Variants in LPIN2 observed in about 807,000 individuals in gnomAD.
LPIN2 encodes phosphatidate phosphatase LPIN2.
In LPIN2, 55 loss-of-function variants were observed where a neutral mutation model predicts 111.4. That is an observed-to-expected ratio of 0.49 (90% CI 0.40 to 0.62). LPIN2 has a LOEUF of 0.62. LPIN2 is among the 20% of genes least tolerant of loss of function. The pLI, the probability that LPIN2 is intolerant of heterozygous loss-of-function variation, is 0.00. For missense variants in LPIN2, 992 were observed against 1,112.1 expected, an observed-to-expected ratio of 0.89 and a Z score of 1.54; for synonymous variants, 425 against 414.0, an observed-to-expected ratio of 1.03 and a Z score of -0.32.
In LPIN2 at chr18:2,931,284, G is replaced by T. The variant is rs2077209708; in HGVS notation, c.1428C>A (p.Gly476=). The T allele has an allele frequency of 1.2e-6, 2 of 1,614,130 alleles. No individual in the cohort carries two copies. The highest frequency in any genetic ancestry group is 1.7e-6 in the Non-Finnish European group (2 of 1,180,034). ...TTGAAATTTCTCCATTTTCACTGAGGCCCCCGCAAAGGGAGAGGGTAACGT... is the reference window on the plus strand; with the variant it reads ...TTGAAATTTCTCCATTTTCACTGAGTCCCCCGCAAAGGGAGAGGGTAACGT... ...LPDVTLSLCG[G]LSENGEISKE... Residue 476 remains glycine, a synonymous_variant, in exon 9 of 20, where the codon GGC becomes GGA. Transcript: ENST00000677752.
intron 1 of LPIN2, among the ~76,000 whole-genome samples, chr18:2,989,691 C>T (rs954325023): frequency 2.0e-5 from 3 of 152,074 alleles, no homozygotes; most frequent in Admixed American, 6.6e-5. Context: ...GAGGCCAATG[C>T]GGGCAGAACA....
chr18:2,984,198 AT>A, intron 1 of LPIN2, among the ~76,000 whole-genome samples: 1 of 152,294 alleles, frequency 6.6e-6, no homozygotes, highest in African/African-American at 2.4e-5. Context: ...TTAAAAACCA[AT>A]TTCACCAAAA....
intron 1 of LPIN2, among the ~76,000 whole-genome samples, chr18:2,979,363 C>T (rs1187567030): frequency 6.6e-6 from 1 of 152,188 alleles, no homozygotes; most frequent in East Asian, 1.9e-4. Flanking sequence ...TCCAGGCAAA[C>T]TCAACATGGT....
At chr18:3,000,115 AAGAAGG>A (rs1270172734) in intron 1 of LPIN2, among the ~76,000 whole-genome samples, 12 of 86,422 alleles carry the variant, frequency 1.4e-4, no homozygotes, top group Admixed American at 5.4e-4. Context: ...GAAGGAGGGG[AAGAAGG>A]AGGAGGAGGA....
chr18:2,936,608 T>G (rs867579676), intron 7 of LPIN2, among the ~76,000 whole-genome samples: 1 of 152,192 alleles, frequency 6.6e-6, no homozygotes, highest in Non-Finnish European at 1.5e-5. Context: ...TGAGACAGGG[T>G]CTCACTCTAT....
intron 1 of LPIN2, among the ~76,000 whole-genome samples, chr18:3,010,800 T>C (rs1319981974): frequency 6.6e-6 from 1 of 152,112 alleles, no homozygotes; most frequent in East Asian, 1.9e-4. Flanking sequence ...AGGAAATAAG[T>C]ACCCAAGGCA....
chr18:2,972,131 T>C (rs1008927421), intron 1 of LPIN2, among the ~76,000 whole-genome samples: 2 of 152,246 alleles, frequency 1.3e-5, no homozygotes, highest in Admixed American at 6.5e-5. Flanking sequence ...GCAATGCCCA[T>C]GTGTTCAGAC....
intron 1 of LPIN2, chr18:2,985,418 T>C (rs972679885): frequency 6.6e-6 from 1 of 152,236 alleles, no homozygotes; most frequent in Non-Finnish European, 1.5e-5. Context: ...AAAGCTACTT[T>C]TTACTTTTGT....
chr18:2,932,378 G>C (rs927013432), intron 8 of LPIN2, among the ~76,000 whole-genome samples: 1 of 152,190 alleles, frequency 6.6e-6, no homozygotes, highest in Non-Finnish European at 1.5e-5. Context: ...TTGAGCAGTA[G>C]GTGGCAGCAG....
chr18:2,961,045 A>G (rs893373127), intron 1 of LPIN2, among the ~76,000 whole-genome samples, 196 bp from the exon 2 acceptor site: 1 of 152,128 alleles, frequency 6.6e-6, no homozygotes, highest in Admixed American at 6.5e-5. Context: ...TCCCGAGACT[A>G]TTCTCCTTTG....
At chr18:2,954,649 A>T in intron 2 of LPIN2, 50 bp from the exon 3 acceptor site, 3 of 1,270,144 alleles carry the variant, frequency 2.4e-6, no homozygotes, top group Non-Finnish European at 3.5e-6. Context: ...CTTTCCTTCA[A>T]GTTAAACTAA....
chr18:2,970,203 T>C (rs1367357894), intron 1 of LPIN2, among the ~76,000 whole-genome samples: 2 of 152,212 alleles, frequency 1.3e-5, no homozygotes. Flanking sequence ...AGACACATAA[T>C]GCAATGGCTA....
intron 1 of LPIN2, among the ~76,000 whole-genome samples, chr18:2,972,597 G>C (rs551711748): frequency 4.1e-4 from 63 of 152,290 alleles, no homozygotes; most frequent in African/African-American, 1.5e-3. Flanking sequence ...ACCTGGTACA[G>C]AGCAAGAAAA....
intron 1 of LPIN2, chr18:2,982,760 A>G (rs1213146170): frequency 1.5e-6 from 2 of 1,293,194 alleles, no homozygotes; most frequent in South Asian, 1.2e-5. Context: ...TCATCTTCTA[A>G]GTAAAACATC....
rs373869092 is a variant in LPIN2 at position 2,940,616 on chromosome 18, G to C, written c.687C>G (p.Ser229=). The change falls in exon 5 of 20, where the codon TCC becomes TCG. Residue 229 remains serine (S), a synonymous_variant. Coordinates refer to ENST00000677752, the MANE Select transcript of LPIN2 (RefSeq NM_001375808.2). ...DHYPLSDGDW[S]PLETTYPQTA... ...TCAAAGATACTTACGTCTCTAAAGG[G>C]GACCAATCTCCATCAGATAAGGGGT... 1 of 1,605,886 alleles carries C rather than the reference G, an allele frequency of 6.2e-7. No individual in the cohort carries two copies. The highest frequency in any genetic ancestry group is 1.3e-5 in the African/African-American group (1 of 74,824).
intron 1 of LPIN2, among the ~76,000 whole-genome samples, chr18:3,005,408 C>A (rs2078498680): frequency 6.6e-6 from 1 of 151,668 alleles, no homozygotes; most frequent in African/African-American, 2.4e-5. Context: ...GGCACAGTGG[C>A]TCATGCCTGT....
chr18:2,974,727 C>T (rs545393058), intron 1 of LPIN2, among the ~76,000 whole-genome samples: 2 of 152,322 alleles, frequency 1.3e-5, no homozygotes, highest in African/African-American at 4.8e-5. Flanking sequence ...TGCGTTGGCT[C>T]ACACTTGTAA....
At chr18:3,008,125 G>T (rs952117871) in intron 1 of LPIN2, among the ~76,000 whole-genome samples, 4 of 152,206 alleles carry the variant, frequency 2.6e-5, no homozygotes, top group African/African-American at 9.6e-5. Flanking sequence ...TATAAAAAGA[G>T]ACCATCTTAT....
chr18:2,997,139 G>A lies in LPIN2; in HGVS notation c.-10+15948C>T, dbSNP rs181513878. Among the ~76,000 whole-genome samples, 902 of 152,028 alleles carry A rather than the reference G, an allele frequency of 5.9e-3. 12 individuals are homozygous for A. Among genetic ancestry groups the A allele is most frequent in the African/African-American group, 0.02 (848 of 41,462 alleles). On this transcript the variant is annotated intron_variant, in intron 1 of 19. Transcript: ENST00000677752. ...TAGGATTACAGGTACCCACCCCCAC[G>A]CCTGGCTAATTTTTGTATTTTTAGT...
Sources: gnomAD v4.1 joint callset for allele counts (sites outside exome capture counted in the v4.1 genomes callset) on GRCh38, gnomAD v4.1.1 for gene constraint, MANE v1.5 for transcripts, NCBI Gene and HGNC (gene_info 2026-07-23, HGNC 2026-07-21) for gene names.